The following ABCA4 variants were observed in gnomAD, a reference collection of about 807,000 sequenced individuals.
ABCA4 encodes retinal-specific phospholipid-transporting ATPase ABCA4.
A neutral mutation model predicts 263.7 loss-of-function variants in ABCA4; 196 were observed. The observed-to-expected ratio is 0.74, with a 90% CI of 0.66 to 0.84. The LOEUF (loss-of-function observed/expected upper bound fraction) is 0.84, where lower values mean the gene tolerates loss of function less well. ABCA4 is among the 40% of genes least tolerant of loss of function. The probability of loss-of-function intolerance (pLI) is 0.00; values close to 1 mark genes in which losing one functional copy is unlikely to be tolerated. For synonymous variants in ABCA4, 1,133 were observed against 1,094.2 expected (o/e 1.04, Z -0.70); for missense variants, 2,792 against 2,855.1 (o/e 0.98, Z 0.50).
chr1:94,056,165 T>A (rs1660972471), intron 15 of ABCA4, among the ~76,000 whole-genome samples: 1 of 152,222 alleles, frequency 6.6e-6, no homozygotes, highest in African/African-American at 2.4e-5. Context: ...AAGATACTTG[T>A]GGAAATACTC....
chr1:94,010,974 AC>A, intron 39 of ABCA4, 45 bp from the exon 40 acceptor site: 2 of 1,613,596 alleles, frequency 1.2e-6, no homozygotes, highest in Non-Finnish European at 1.7e-6. Context: ...GCCCCAGCTC[AC>A]CCCACAGACC....
chr1:94,044,747 G>A lies in ABCA4; in HGVS notation c.2919-3C>T. The stretch of plus-strand genomic sequence containing the variant: ...GCAACAGACCCGTCAGGATGGACCT[G>A]CAGAACACAGGCGTCAGTGGCAGAA... On this transcript the variant is annotated splice_polypyrimidine_tract_variant and splice_region_variant and intron_variant, in intron 19 of 49. Transcript: ENST00000370225. The A allele has an allele frequency of 6.2e-7, 1 of 1,614,218 alleles. No homozygotes were observed. Among genetic ancestry groups the A allele is most frequent in the Non-Finnish European group, 8.5e-7 (1 of 1,180,034 alleles).
At position 94,019,691 on chromosome 1, in the gene ABCA4, C is replaced by T. The variant is rs61750564; in HGVS notation, c.5087G>A (p.Ser1696Asn). The part of the protein sequence containing the change: ...VIFSMSFVPA[S>N]FVLYLIQERV... ...CTCCTGGATCAAATAAAGGACAAAG[C>T]TGGCTGGGACGAAGGACATGGAGAA... Residue 1696 changes from serine to asparagine, a missense_variant, in exon 36 of 50, where the codon AGC (serine) becomes AAC (asparagine). Transcript: ENST00000370225. The T allele has an allele frequency of 1.7e-5, 28 of 1,613,676 alleles. No individual in the cohort carries two copies. The highest frequency in any genetic ancestry group is 1.5e-4 in the Admixed American group (9 of 59,936).
chr1:94,023,388 C>G lies in ABCA4; in HGVS notation c.4665G>C (p.Gln1555His). 1 of 1,607,060 alleles carries G rather than the reference C, an allele frequency of 6.2e-7. No individual in the cohort carries two copies. Among genetic ancestry groups the G allele is most frequent in the Non-Finnish European group, 8.5e-7 (1 of 1,173,826 alleles). Reference sequence around the variant, plus strand: ...TTCTGATAAAAATAGTTTCTTACCTCTGTTCATTGACCCAGAATTTGCTCT... The same window carrying G: ...TTCTGATAAAAATAGTTTCTTACCTGTGTTCATTGACCCAGAATTTGCTCT... ...SLKSKFWVNE[Q>H]RYGGISIGGK... Residue 1555 changes from glutamine (Q) to histidine (H), a missense_variant and splice_region_variant, in exon 32 of 50, where the codon CAG (glutamine) becomes CAC (histidine). Gln to His is a conservative substitution (Grantham distance 24, BLOSUM62 0). Transcript: ENST00000370225.
intron 5 of ABCA4, among the ~76,000 whole-genome samples, chr1:94,102,413 C>G (rs545237196): frequency 6.6e-6 from 1 of 151,898 alleles, no homozygotes; most frequent in Non-Finnish European, 1.5e-5. Flanking sequence ...CCCGGAACTC[C>G]CCTCTCACTT....
At chr1:94,096,035 C>A (rs1256274341) in intron 6 of ABCA4, among the ~76,000 whole-genome samples, 1 of 152,172 alleles carries the variant, frequency 6.6e-6, no homozygotes, top group African/African-American at 2.4e-5. Context: ...CATCTCCACA[C>A]CACGGTGGTC....
intron 4 of ABCA4, among the ~76,000 whole-genome samples, chr1:94,107,622 C>A (rs79513058): frequency 0.041 from 6,197 of 152,230 alleles, 244 homozygotes; most frequent in East Asian, 0.15. Context: ...GTGGCTCCCA[C>A]CCTGGTGCCC....
At chr1:94,028,939 A>G (rs2101032682) in intron 30 of ABCA4, among the ~76,000 whole-genome samples, 1 of 143,764 alleles carries the variant, frequency 7.0e-6, no homozygotes. Context: ...AAGAAATTCA[A>G]ACAATGGGAT....
chr1:94,058,471 C>T (rs1661037542), intron 14 of ABCA4, among the ~76,000 whole-genome samples: 1 of 152,212 alleles, frequency 6.6e-6, no homozygotes, highest in African/African-American at 2.4e-5. Flanking sequence ...AAGGGATTCT[C>T]CTTGCTCAGT....
intron 11 of ABCA4, among the ~76,000 whole-genome samples, chr1:94,071,003 C>T (rs1661384327): frequency 6.6e-6 from 1 of 152,170 alleles, no homozygotes. Flanking sequence ...GTACACGCTT[C>T]TGTAAATGGA....
At chr1:94,021,450 C>T in intron 34 of ABCA4, 41 bp from the exon 35 acceptor site, 1 of 1,612,546 alleles carries the variant, frequency 6.2e-7, no homozygotes, top group South Asian at 1.1e-5. Context: ...GCACTAACAG[C>T]TAGTTAAAGC....
chr1:94,036,380 CTTT>C (rs752570732), intron 26 of ABCA4, among the ~76,000 whole-genome samples: 1 of 141,332 alleles, frequency 7.1e-6, no homozygotes, highest in Admixed American at 7.1e-5. Context: ...TTTCCTTAGA[CTTT>C]TTTTTTTTTT....
intron 37 of ABCA4, among the ~76,000 whole-genome samples, chr1:94,015,118 G>A (rs1035768966): frequency 2.0e-5 from 3 of 152,172 alleles, no homozygotes; most frequent in Non-Finnish European, 4.4e-5. Context: ...AGAAAGATGT[G>A]GAGAACAATG....
intron 39 of ABCA4, 80 bp from the exon 40 acceptor site, chr1:94,011,009 G>T: frequency 6.2e-7 from 1 of 1,609,492 alleles, no homozygotes; most frequent in South Asian, 1.1e-5. Flanking sequence ...GGGCCCACTA[G>T]ACCAGGCCTT....
rs1189249745 is a variant in ABCA4, at chr1:94,056,870, G to A, written c.2161-48C>T. 13 of 1,468,928 alleles carry A rather than the reference G, an allele frequency of 8.8e-6. No individual in the cohort carries two copies. The Admixed American group carries it at 1.4e-4, about 15-fold the overall frequency. The allele number at this position is 1,468,928 out of a possible 1,614,324, so 91.0% of individuals were successfully genotyped here. A position where few individuals can be genotyped will look rare whatever the true frequency, so the allele number is the denominator to read the frequency against. Reference sequence around the variant, plus strand: ...CAGTAACTCCTGCCCTTGGCCGGACGCCTTCTCATTCTGCCCTAAAGGGCT... The same window carrying A: ...CAGTAACTCCTGCCCTTGGCCGGACACCTTCTCATTCTGCCCTAAAGGGCT... On this transcript the variant is annotated intron_variant, in intron 14 of 49. Coordinates refer to ENST00000370225, the MANE Select transcript of ABCA4 (RefSeq NM_000350.3).
chr1:94,011,685 T>A (rs1019126761), intron 38 of ABCA4, among the ~76,000 whole-genome samples: 1 of 152,206 alleles, frequency 6.6e-6, no homozygotes, highest in Non-Finnish European at 1.5e-5. Flanking sequence ...TTCCCCTTTG[T>A]CTAGCCAGGC....
At chr1:94,044,982 A>G (rs193242096) in intron 19 of ABCA4, among the ~76,000 whole-genome samples, 20 of 152,348 alleles carry the variant, frequency 1.3e-4, no homozygotes, top group Admixed American at 5.2e-4. Flanking sequence ...TGGTGCTCCC[A>G]GGCCAACGCC....
chr1:94,004,596 T>C (rs1280444017), intron 44 of ABCA4, among the ~76,000 whole-genome samples: 1 of 152,242 alleles, frequency 6.6e-6, no homozygotes, highest in East Asian at 1.9e-4. Flanking sequence ...TTATTTGAAA[T>C]AAAATTGGGT....
At chr1:94,086,299 G>A (rs1457371602) in intron 6 of ABCA4, among the ~76,000 whole-genome samples, 1 of 152,144 alleles carries the variant, frequency 6.6e-6, no homozygotes, top group African/African-American at 2.4e-5. Flanking sequence ...TACACTCATC[G>A]ATGTCCAACT....
Sources: allele counts gnomAD v4.1 joint callset (sites outside exome capture counted in the v4.1 genomes callset), GRCh38; gene constraint gnomAD v4.1.1; transcripts MANE v1.5; gene names NCBI Gene and HGNC (gene_info 2026-07-23, HGNC 2026-07-21).